LRPPRC: variants seen among roughly 807,000 people sequenced by gnomAD.
LRPPRC encodes leucine rich pentatricopeptide repeat containing, also known as leucine-rich PPR motif-containing protein, mitochondrial.
In LRPPRC, 120 loss-of-function variants were observed where a neutral mutation model predicts 180.3. That is an observed-to-expected ratio of 0.67 (90% confidence interval 0.57 to 0.77). The LOEUF is 0.77. Ranked by LOEUF, LRPPRC falls within the 30% of genes least tolerant of loss-of-function variation. LRPPRC has a pLI of 0.00. For missense variants in LRPPRC, 2,012 were observed against 1,657.2 expected (o/e 1.21, Z -3.72); for synonymous variants, 723 against 600.0 (o/e 1.21, Z -3.00).
chr2:43,970,621 T>C (rs931201729), intron 11 of LRPPRC, among the ~76,000 whole-genome samples: 1 of 152,208 alleles, frequency 6.6e-6, no homozygotes, highest in African/African-American at 2.4e-5. Flanking sequence ...CATGAGAAAG[T>C]TGATCAATCT....
chr2:43,921,401 G>T (rs148241143), intron 27 of LRPPRC, among the ~76,000 whole-genome samples: 1 of 152,040 alleles, frequency 6.6e-6, no homozygotes, highest in Non-Finnish European at 1.5e-5. Flanking sequence ...GTTAAGATTC[G>T]TATTAAAAGG....
At chr2:43,918,822 T>TATAG (rs1558938590) in intron 27 of LRPPRC, among the ~76,000 whole-genome samples, 2 of 143,376 alleles carry the variant, frequency 1.4e-5, no homozygotes, top group African/African-American at 5.1e-5. Flanking sequence ...TATATATATA[T>TATAG]CTATATATAG....
rs552930145 is a variant in LRPPRC, at chr2:43,976,990, A to T, written c.650+4T>A. ...CGCTTAAACATGTTCATACAGATCC[A>T]TACCTGGCACCTTCAATATCTCCTA... On this transcript the variant is annotated splice_donor_region_variant and intron_variant, in intron 5 of 37. Transcript: ENST00000260665. 1 of 1,612,060 alleles carries T rather than the reference A, an allele frequency of 6.2e-7. No individual in the cohort carries two copies. Among genetic ancestry groups the T allele is most frequent in the South Asian group, 1.1e-5 (1 of 91,016 alleles).
chr2:43,967,677 G>C lies in LRPPRC; in HGVS notation c.1370-3971C>G, dbSNP rs1673622188. 2.0e-5 allele frequency among the ~76,000 whole-genome samples: 3 copies of C among 152,262 alleles called. No homozygotes were observed. In the South Asian group the frequency reaches 6.2e-4, roughly 32 times the overall value. On this transcript the variant is annotated intron_variant, in intron 11 of 37. Coordinates refer to ENST00000260665, the MANE Select transcript of LRPPRC (RefSeq NM_133259.4). ...CCACTACACTCCAGCCTGGACAACA[G>C]AGCGAGACTCGGTCTCAAATAATAA... is the stretch of plus-strand genomic sequence containing the variant.
chr2:43,959,206 G>C (rs1021212185), intron 13 of LRPPRC: 1 of 716,256 alleles, frequency 1.4e-6, no homozygotes, highest in South Asian at 1.5e-5. Context: ...TTTTCTTCTT[G>C]TCAGATTGGA....
rs373716781 is a variant in LRPPRC at position 43,957,427 on chromosome 2, G to A, written c.1607C>T (p.Ser536Leu). ...TAGGCTACTTCTTATAGACTGCAGCGAGATGGGCAATGTATTTGATTTCAC... is the reference window on the plus strand; with the variant it reads ...TAGGCTACTTCTTATAGACTGCAGCAAGATGGGCAATGTATTTGATTTCAC... ...SFLKSNTLPI[S>L]LQSIRSSLLL... is the part of the protein sequence containing the mutation. Residue 536 changes from serine (S) to leucine (L), a missense_variant, in exon 14 of 38, where the codon TCG becomes TTG. Coordinates refer to ENST00000260665, the MANE Select transcript of LRPPRC (RefSeq NM_133259.4). 6.2e-6 allele frequency: 10 copies of A among 1,613,212 alleles called. No individual in the cohort carries two copies. Among genetic ancestry groups the A allele is most frequent in the Admixed American group, 5.0e-5 (3 of 60,016 alleles).
At chr2:43,966,527 C>T (rs62135110) in intron 11 of LRPPRC, among the ~76,000 whole-genome samples, 2 of 151,494 alleles carry the variant, frequency 1.3e-5, no homozygotes, top group African/African-American at 4.9e-5. Context: ...TCTTCTGCCT[C>T]AGGCTCCTGA....
Position 43,886,800 on chromosome 2 carries a change from G to A in LRPPRC, c.*1800C>T, listed in dbSNP as rs1670285986. On this transcript the variant is annotated 3_prime_UTR_variant, in exon 38 of 38. Coordinates refer to ENST00000260665, the MANE Select transcript of LRPPRC (RefSeq NM_133259.4). ...ATGTTGACTAACTTGTGGTTAGCAT[G>A]ACTGCAAAAAAATGAGGCCTGCTTC... 6.6e-6 allele frequency: 1 copy of A among 152,156 alleles called. No individual in the cohort carries two copies. Among genetic ancestry groups the A allele is most frequent in the South Asian group, 2.1e-4 (1 of 4,826 alleles). The allele number at this position is 152,156 out of a possible 1,614,324, so 9.4% of individuals were successfully genotyped here.
intron 31 of LRPPRC, chr2:43,902,108 A>G (rs563469972): frequency 1.4e-4 from 22 of 155,520 alleles, no homozygotes; most frequent in African/African-American, 5.0e-4. Context: ...ATTTCCACAA[A>G]TACAGACAGT....
intron 11 of LRPPRC, among the ~76,000 whole-genome samples, chr2:43,967,888 G>T (rs1402972619): frequency 1.3e-5 from 2 of 152,064 alleles, no homozygotes; most frequent in African/African-American, 4.8e-5. Flanking sequence ...ATAAAAGATG[G>T]CAAATCCCAC....
intron 5 of LRPPRC, 70 bp downstream of exon 5, chr2:43,976,924 G>C: frequency 7.9e-7 from 1 of 1,258,402 alleles, no homozygotes; most frequent in South Asian, 1.2e-5. Flanking sequence ...TTAAAACAAA[G>C]AGTGAACAGA....
At chr2:43,994,698 T>A (rs1053453367) in intron 1 of LRPPRC, among the ~76,000 whole-genome samples, 2 of 152,130 alleles carry the variant, frequency 1.3e-5, no homozygotes, top group African/African-American at 4.8e-5. Flanking sequence ...CAAAATCATT[T>A]TTTCTCCAAT....
intron 29 of LRPPRC, among the ~76,000 whole-genome samples, chr2:43,914,969 G>A (rs990618430): frequency 6.7e-6 from 1 of 150,338 alleles, no homozygotes; most frequent in Non-Finnish European, 1.5e-5. Flanking sequence ...AGCACTTTGG[G>A]AGGCTCAGGT....
chr2:43,940,852 G>A (rs552523922), intron 23 of LRPPRC, among the ~76,000 whole-genome samples: 13 of 152,140 alleles, frequency 8.5e-5, no homozygotes, highest in South Asian at 2.1e-4. Context: ...ACGGATTGCT[G>A]TCATCTCCAT....
At chr2:43,915,232 T>TCTCTCTCA (rs1174216406) in intron 29 of LRPPRC, among the ~76,000 whole-genome samples, 46 of 51,868 alleles carry the variant, frequency 8.9e-4, no homozygotes, top group Non-Finnish European at 1.1e-3. Context: ...TCTCTCTCTC[T>TCTCTCTCA]CACACACACA....
chr2:43,934,342 C>A (rs1672196936), intron 24 of LRPPRC, 46 bp from the exon 25 acceptor site: 2 of 892,922 alleles, frequency 2.2e-6, no homozygotes, highest in East Asian at 2.5e-5. Context: ...AAAAAAAAAC[C>A]CAGAAAAACA....
intron 23 of LRPPRC, among the ~76,000 whole-genome samples, chr2:43,941,177 A>T (rs189774929): frequency 9.2e-4 from 140 of 152,334 alleles, no homozygotes; most frequent in African/African-American, 3.1e-3. Context: ...TGTCTAAATA[A>T]CACAAACTGA....
At chr2:43,973,268 T>G (rs1204010547) in intron 11 of LRPPRC, among the ~76,000 whole-genome samples, 3 of 152,134 alleles carry the variant, frequency 2.0e-5, no homozygotes, top group Non-Finnish European at 4.4e-5. Flanking sequence ...CAACTTTATC[T>G]TTATTAAAGG....
chr2:43,979,996 A>G, intron 2 of LRPPRC, 48 bp from the exon 3 acceptor site: 1 of 1,571,406 alleles, frequency 6.4e-7, no homozygotes, highest in Non-Finnish European at 8.8e-7. Flanking sequence ...CAGCAATATC[A>G]CATAGATAAA....
Sources: allele counts gnomAD v4.1 joint callset (sites outside exome capture counted in the v4.1 genomes callset), GRCh38; gene constraint gnomAD v4.1.1; transcripts MANE v1.5; gene names NCBI Gene and HGNC (gene_info 2026-07-23, HGNC 2026-07-21).